The following THAP1 variants were observed in gnomAD, a reference collection of about 807,000 sequenced individuals.
The protein encoded by THAP1 is THAP domain containing 1, also known as THAP domain-containing protein 1.
Under a neutral mutation model 18.2 loss-of-function variants are expected in THAP1, and 6 were observed. The ratio of observed to expected loss-of-function variants is 0.33; its 90% confidence interval spans 0.18 to 0.65. The LOEUF is 0.65. THAP1 is among the 30% of genes least tolerant of loss of function. THAP1 has a pLI of 0.74. For synonymous variants in THAP1, 85 were observed against 90.5 expected (o/e 0.94, Z 0.34); for missense variants, 176 against 253.0 (o/e 0.70, Z 2.06).
chr8:42,839,872 A>G (rs1231692819), intron 1 of THAP1, among the ~76,000 whole-genome samples: 1 of 152,126 alleles, frequency 6.6e-6, no homozygotes, highest in Non-Finnish European at 1.5e-5. Flanking sequence ...AACTTTTTAT[A>G]CTGAGTTCAC....
Position 42,839,181 on chromosome 8 carries a change from A to T in THAP1, c.267+5T>A. 6.2e-7 allele frequency: 1 copy of T among 1,614,028 alleles called. No homozygotes were observed. The highest frequency in any genetic ancestry group is 8.5e-7 in the Non-Finnish European group (1 of 1,179,984). On this transcript the variant is annotated splice_donor_5th_base_variant and intron_variant, in intron 2 of 2. Coordinates refer to ENST00000254250, the MANE Select transcript of THAP1 (RefSeq NM_018105.3). Reference sequence around the variant, plus strand: ...AGCAACCCAATATTTTAAAATGCATATTACCTTGTCATGTGGCTCAGTACA... The same window carrying T: ...AGCAACCCAATATTTTAAAATGCATTTTACCTTGTCATGTGGCTCAGTACA...
chr8:42,838,453 G>C, intron 2 of THAP1, 117 bp from the exon 3 acceptor site: 1 of 1,339,730 alleles, frequency 7.5e-7, no homozygotes, highest in Non-Finnish European at 1.0e-6. Context: ...TTGTGAGGAA[G>C]AGGTGGGCGG....
chr8:42,843,289 G>C lies in THAP1; in HGVS notation c.-195C>G, dbSNP rs1005422213. The C allele has an allele frequency of 1.5e-5, 10 of 657,396 alleles. No individual in the cohort carries two copies. Among genetic ancestry groups the C allele is most frequent in the African/African-American group, 1.3e-4 (7 of 55,634 alleles). The allele number at this position is 657,396 out of a possible 1,614,324, so 40.7% of individuals were successfully genotyped here. ...CATTAGCAGAAGGACCACAGCCATC[G>C]CCCGTCTCCCATCTCCAAGATGGCG... On this transcript the variant is annotated 5_prime_UTR_variant, in exon 1 of 3. Coordinates refer to ENST00000254250, the MANE Select transcript of THAP1 (RefSeq NM_018105.3).
chr8:42,843,154 A>C lies in THAP1; in HGVS notation c.-60T>G. On this transcript the variant is annotated 5_prime_UTR_variant, in exon 1 of 3. Coordinates refer to ENST00000254250, the MANE Select transcript of THAP1 (RefSeq NM_018105.3). ...GCAGAAGGCAGGGGAAGCTGTTCTC[A>C]GTGTCGCTGCGCTCGGTTGGATTCC... 25 of 1,597,684 alleles carry C rather than the reference A, an allele frequency of 1.6e-5. No individual in the cohort carries two copies. Among genetic ancestry groups the C allele is most frequent in the African/African-American group, 2.7e-5 (2 of 74,668 alleles).
chr8:42,838,183 C>T lies in THAP1; in HGVS notation c.421G>A (p.Asp141Asn), dbSNP rs138345513. 8.1e-5 allele frequency: 131 copies of T among 1,614,102 alleles called. 1 individual carries two copies. The African/African-American group carries it at 1.5e-3, about 19-fold the overall frequency. The change falls in exon 3 of 3, where the codon GAT (aspartate) becomes AAT (asparagine). Residue 141 changes from aspartate (D) to asparagine (N), a missense_variant. Asp to Asn is a conservative substitution (Grantham distance 23). Transcript: ENST00000254250. ...VFCDHNYTVE[D>N]TMHQRKRIHQ... Reference sequence around the variant, plus strand: ...ATCCTTTTCCGCTGGTGCATTGTATCCTCCACAGTATAGTTGTGGTCACAG... The same window carrying T: ...ATCCTTTTCCGCTGGTGCATTGTATTCTCCACAGTATAGTTGTGGTCACAG...
chr8:42,843,088 G>A lies in THAP1; in HGVS notation c.7C>T (p.Gln3Ter), dbSNP rs1554599983. 6.2e-7 allele frequency: 1 copy of A among 1,613,802 alleles called. No individual in the cohort carries two copies. The highest frequency in any genetic ancestry group is 8.5e-7 in the Non-Finnish European group (1 of 1,179,850). The stretch of plus-strand genomic sequence containing the variant: ...TTGCAGCCGTAGGCGGAGCAGGACT[G>A]CACCATCCTTCCGGTCCTCAGGCAC... MV[Q>*]SCSAYGCKNR... The change falls in exon 1 of 3, where the codon CAG (glutamine) becomes TAG (stop). Residue 3 changes from glutamine (Q) to a stop codon, truncating the protein, a stop_gained. Transcript: ENST00000254250. LOFTEE classifies it high-confidence loss of function.
intron 2 of THAP1, 114 bp from the exon 3 acceptor site, chr8:42,838,450 G>T: frequency 7.2e-7 from 1 of 1,391,080 alleles, no homozygotes; most frequent in South Asian, 1.3e-5. Flanking sequence ...CTTTTGTGAG[G>T]AAGAGGTGGG....
rs1421233354 is a variant in THAP1, at chr8:42,843,034, A to C, written c.61T>G (p.Ser21Ala). ...KNRYDKDKPV[S>A]FHKFPLTRPS... is the part of the protein sequence containing the mutation. ...GCGCAGGGTCCTCACTTGTGGAAAG[A>C]AACGGGCTTGTCCTTGTCGTAGCGG... is the stretch of plus-strand genomic sequence containing the variant. The change falls in exon 1 of 3, where the codon TCT (serine) becomes GCT (alanine). Residue 21 changes from serine (S) to alanine (A), a missense_variant. Ser to Ala is a moderately conservative substitution (Grantham distance 99). Coordinates refer to ENST00000254250, the MANE Select transcript of THAP1 (RefSeq NM_018105.3). 1.2e-6 allele frequency: 2 copies of C among 1,613,480 alleles called. No homozygotes were observed. The highest frequency in any genetic ancestry group is 2.7e-5 in the African/African-American group (2 of 74,894).
rs1379191271 is a variant in THAP1, at chr8:42,837,915, G to C, written c.*47C>G. 1 of 1,599,296 alleles carries C rather than the reference G, an allele frequency of 6.3e-7. No homozygotes were observed. Among genetic ancestry groups the C allele is most frequent in the African/African-American group, 1.3e-5 (1 of 74,690 alleles). The stretch of plus-strand genomic sequence containing the variant: ...TGAAACTCCTTTACAGGCTAGAGGA[G>C]GATATGTGGTATTGCCCCATTAGAA... On this transcript the variant is annotated 3_prime_UTR_variant, in exon 3 of 3. Coordinates refer to ENST00000254250, the MANE Select transcript of THAP1 (RefSeq NM_018105.3).
Position 42,838,296 on chromosome 8 carries a change from G to C in THAP1, c.308C>G (p.Pro103Arg), listed in dbSNP as rs1005979423. 6.2e-7 allele frequency: 1 copy of C among 1,614,046 alleles called. No individual in the cohort carries two copies. The highest frequency in any genetic ancestry group is 8.5e-7 in the Non-Finnish European group (1 of 1,179,932). ...LLEPQEQLPP[P>R]PLPPPVSQVD... ...CTGGGAAACAGGAGGCGGTAAAGGA[G>C]GTGGGGGAAGCTGTTCCTGTGGCTC... The change falls in exon 3 of 3, where the codon CCT (proline) becomes CGT (arginine). Residue 103 changes from proline (P) to arginine (R), a missense_variant. By Grantham distance (103) the Pro-to-Arg change is moderately radical (BLOSUM62 -2). Transcript: ENST00000254250.
intron 2 of THAP1, among the ~76,000 whole-genome samples, chr8:42,838,720 G>A (rs1242498387): frequency 1.3e-5 from 2 of 152,156 alleles, no homozygotes; most frequent in Admixed American, 1.3e-4. Flanking sequence ...AAAAGAATCT[G>A]TGGAATTTAA....
rs907161602 is a variant in THAP1, at chr8:42,837,574, T to G, written c.*388A>C. The G allele has an allele frequency of 3.2e-5, 5 of 157,366 alleles. No homozygotes were observed. Among genetic ancestry groups the G allele is most frequent in the African/African-American group, 1.2e-4 (5 of 41,602 alleles). 9.7% of individuals were successfully genotyped at this position (157,366 alleles called of 1,614,324 possible). On this transcript the variant is annotated 3_prime_UTR_variant, in exon 3 of 3. Coordinates refer to ENST00000254250, the MANE Select transcript of THAP1 (RefSeq NM_018105.3). ...CTTCTGATTTAAAATATAACTAAATTCTCTCAATAAAACAGTACTAATTTT... is the reference window on the plus strand; with the variant it reads ...CTTCTGATTTAAAATATAACTAAATGCTCTCAATAAAACAGTACTAATTTT...
Position 42,838,037 on chromosome 8 carries a change from CT to C in THAP1, c.566del (p.Glu189GlyfsTer11). 1 of 1,613,904 alleles carries C rather than the reference CT, an allele frequency of 6.2e-7. No homozygotes were observed. Among genetic ancestry groups the C allele is most frequent in the Non-Finnish European group, 8.5e-7 (1 of 1,179,982 alleles). The part of the protein sequence containing the change: ...KLKEVVHFQK[E>X]KDDVSERGYV... ...AACCTCTTTCTGATACGTCGTCTTT[CT>C]CTTTCTGGAAGTGAACAACCTCCTT... On this transcript the variant is annotated frameshift_variant, in exon 3 of 3. Transcript: ENST00000254250. LOFTEE classifies it high-confidence loss of function.
In THAP1 at chr8:42,839,101, A is replaced by G. The variant is rs1308018110; in HGVS notation, c.267+85T>C. 2.3e-5 allele frequency: 33 copies of G among 1,453,726 alleles called. No individual in the cohort carries two copies. The Admixed American group carries it at 2.4e-4, about 10-fold the overall frequency. The allele number at this position is 1,453,726 out of a possible 1,614,324, so 90.1% of individuals were successfully genotyped here. ...TTCCAGGCACATTTATTCTCTTAACACTAACTCAATTTTCCACATTTTAAT... is the reference window on the plus strand; with the variant it reads ...TTCCAGGCACATTTATTCTCTTAACGCTAACTCAATTTTCCACATTTTAAT... On this transcript the variant is annotated intron_variant, in intron 2 of 2. Transcript: ENST00000254250.
intron 1 of THAP1, among the ~76,000 whole-genome samples, chr8:42,842,093 CT>C (rs1802729192): frequency 6.6e-6 from 1 of 152,170 alleles, no homozygotes; most frequent in African/African-American, 2.4e-5. Context: ...TAGTTTACCC[CT>C]GGATCTGATT....
rs1361145323 is a variant in THAP1 at position 42,838,270 on chromosome 8, C to T, written c.334G>A (p.Val112Ile). 2 of 1,613,922 alleles carry T rather than the reference C, an allele frequency of 1.2e-6. No individual in the cohort carries two copies. Among genetic ancestry groups the T allele is most frequent in the African/African-American group, 1.3e-5 (1 of 74,902 alleles). Residue 112 changes from valine to isoleucine, a missense_variant, in exon 3 of 3, where the codon GTT becomes ATT. Transcript: ENST00000254250. ...ATTAGTAATCCAATAGCAGCATCAA[C>T]CTGGGAAACAGGAGGCGGTAAAGGA... The part of the protein sequence containing the change: ...PPPLPPPVSQ[V>I]DAAIGLLMPP...
Position 42,838,051 on chromosome 8 carries a change from G to C in THAP1, c.553C>G (p.His185Asp). ...RQLEKLKEVV[H>D]FQKEKDDVSE... ...ACGTCGTCTTTCTCTTTCTGGAAGT[G>C]AACAACCTCCTTTAATTTTTCAAGC... The change falls in exon 3 of 3, where the codon CAC (histidine) becomes GAC (aspartate). Residue 185 changes from histidine to aspartate, a missense_variant. Transcript: ENST00000254250. 1 of 1,614,046 alleles carries C rather than the reference G, an allele frequency of 6.2e-7. No individual in the cohort carries two copies. Among genetic ancestry groups the C allele is most frequent in the African/African-American group, 1.3e-5 (1 of 75,008 alleles).
At position 42,837,254 on chromosome 8, in the gene THAP1, G is replaced by A. The variant is rs1372781609; in HGVS notation, c.*708C>T. On this transcript the variant is annotated 3_prime_UTR_variant, in exon 3 of 3. Coordinates refer to ENST00000254250, the MANE Select transcript of THAP1 (RefSeq NM_018105.3). ...TGCCTTACTTTATTTATTGAAAAAT[G>A]TTTCTTCCACTGAAAATACACTTCT... 6.6e-6 allele frequency: 1 copy of A among 151,800 alleles called. No individual in the cohort carries two copies. Among genetic ancestry groups the A allele is most frequent in the East Asian group, 1.9e-4 (1 of 5,168 alleles). 9.4% of individuals were successfully genotyped at this position (151,800 alleles called of 1,614,324 possible).
At chr8:42,841,587 G>C (rs578211534) in intron 1 of THAP1, among the ~76,000 whole-genome samples, 1 of 152,132 alleles carries the variant, frequency 6.6e-6, no homozygotes, top group East Asian at 1.9e-4. Flanking sequence ...ATCGTGCCTC[G>C]ACAAAAACAG....
Sources: allele counts gnomAD v4.1 joint callset (sites outside exome capture counted in the v4.1 genomes callset), GRCh38; gene constraint gnomAD v4.1.1; transcripts MANE v1.5; gene names NCBI Gene and HGNC (gene_info 2026-07-23, HGNC 2026-07-21).